HDX: variants seen among roughly 807,000 people sequenced by gnomAD.
HDX encodes the protein chromosome X open reading frame 43.
Under a neutral mutation model 45.2 loss-of-function variants are expected in HDX, and 19 were observed. The observed-to-expected ratio is 0.42, with a 90% CI of 0.29 to 0.62. The LOEUF is 0.62. Among genes scored for constraint, HDX ranks in the 20% least tolerant of loss-of-function variants. The probability of loss-of-function intolerance (pLI) is 0.20; values close to 1 mark genes in which losing one functional copy is unlikely to be tolerated. For synonymous variants in HDX, 188 were observed against 172.8 expected (o/e 1.09, Z -0.69); for missense variants, 532 against 493.9 (o/e 1.08, Z -0.73).
chrX:84,340,208 T>G (rs754352258), intron 7 of HDX, among the ~76,000 whole-genome samples: 2 of 111,180 alleles, frequency 1.8e-5, no homozygotes, highest in South Asian at 7.5e-4. Context: ...CTGAAACTGC[T>G]AAAAGACCAG....
At chrX:84,322,125 T>G (rs2036610355) in intron 10 of HDX, 111 bp from the exon 11 acceptor site, 1 of 474,702 alleles carries the variant, frequency 2.1e-6, no homozygotes. Context: ...ATTTAAAGAA[T>G]AATTTATATT....
intron 2 of HDX, among the ~76,000 whole-genome samples, chrX:84,476,723 T>C (rs1054395998): frequency 2.7e-5 from 3 of 111,460 alleles, no homozygotes; most frequent in African/African-American, 9.8e-5. Context: ...CTTATCTTTC[T>C]CTGAATACTT....
chrX:84,474,243 G>T (rs2040504304), intron 3 of HDX, among the ~76,000 whole-genome samples: 1 of 111,567 alleles, frequency 9.0e-6, no homozygotes, highest in Non-Finnish European at 1.9e-5. Context: ...AGTGAGCTGA[G>T]ATCCGGCCAC....
intron 6 of HDX, among the ~76,000 whole-genome samples, chrX:84,347,744 T>C (rs1009459182): frequency 1.4e-4 from 16 of 111,743 alleles, no homozygotes; most frequent in African/African-American, 5.2e-4. Flanking sequence ...TTTTTTCCTC[T>C]CAACACTTTA....
At chrX:84,420,885 C>A (rs1431084456) in intron 5 of HDX, among the ~76,000 whole-genome samples, 1 of 111,574 alleles carries the variant, frequency 9.0e-6, no homozygotes, top group Non-Finnish European at 1.9e-5. Context: ...CAAACAACAA[C>A]AACAAAAAAC....
chrX:84,350,006 T>C (rs2037304203), intron 6 of HDX, among the ~76,000 whole-genome samples: 1 of 109,989 alleles, frequency 9.1e-6, no homozygotes, highest in South Asian at 3.9e-4. Context: ...AAGCCCAGAC[T>C]TCACCACCAC....
intron 5 of HDX, among the ~76,000 whole-genome samples, chrX:84,437,058 T>G (rs1158561315): frequency 2.7e-5 from 3 of 111,018 alleles, no homozygotes; most frequent in Non-Finnish European, 5.7e-5. Flanking sequence ...ATATGCTGTC[T>G]ACATAAATTC....
chrX:84,497,198 G>C (rs773146714), intron 1 of HDX, among the ~76,000 whole-genome samples: 1 of 111,619 alleles, frequency 9.0e-6, no homozygotes, highest in African/African-American at 3.3e-5. Context: ...AAATTACCTA[G>C]TCTCGAGAAG....
At chrX:84,395,251 T>G (rs931935079) in intron 5 of HDX, among the ~76,000 whole-genome samples, 1 of 111,325 alleles carries the variant, frequency 9.0e-6, no homozygotes, top group Non-Finnish European at 1.9e-5. Context: ...TTTCTTGGTC[T>G]GGTCTAGTTG....
At position 84,399,257 on chromosome X, in the gene HDX, C is replaced by G. The variant is rs6623014; in HGVS notation, c.1306-37645G>C. 6.5e-3 allele frequency among the ~76,000 whole-genome samples: 698 copies of G among 107,727 alleles called. 3 individuals are homozygous for G. The highest frequency in any genetic ancestry group is 0.01 in the Non-Finnish European group (526 of 51,860). 93.5% of individuals were successfully genotyped at this position (107,727 alleles called of 115,157 possible). ...GGAGATAGAGACACAAACCCCCCCC[C>G]AAAAAAACAATAAATCCAGGAGCTG... On this transcript the variant is annotated intron_variant, in intron 5 of 10. Coordinates refer to ENST00000373177, the MANE Select transcript of HDX (RefSeq NM_001177479.2).
chrX:84,324,913 C>A (rs1329527196), intron 10 of HDX, among the ~76,000 whole-genome samples: 4 of 110,889 alleles, frequency 3.6e-5, no homozygotes, highest in African/African-American at 1.3e-4. Context: ...AACTACCTCC[C>A]CTATTCATTT....
intron 4 of HDX, among the ~76,000 whole-genome samples, chrX:84,459,291 A>T (rs1030566517): frequency 9.1e-6 from 1 of 109,972 alleles, no homozygotes; most frequent in Non-Finnish European, 1.9e-5. Context: ...AAATACAAAA[A>T]ATTAGCCGGG....
chrX:84,322,341 A>T (rs1219270112), intron 10 of HDX, among the ~76,000 whole-genome samples: 2 of 111,126 alleles, frequency 1.8e-5, no homozygotes, highest in Non-Finnish European at 3.8e-5. Context: ...TTGAGTGTGC[A>T]TTGATCACTG....
chrX:84,478,237 A>G (rs1714126380), intron 2 of HDX, among the ~76,000 whole-genome samples: 1 of 111,860 alleles, frequency 8.9e-6, no homozygotes, highest in South Asian at 3.7e-4. Context: ...CAGGTTTAAG[A>G]TTCAGTATTT....
In HDX at chrX:84,464,002, G is replaced by T. The variant is rs752445163; in HGVS notation, c.1251+4470C>A. On this transcript the variant is annotated intron_variant, in intron 4 of 10. Coordinates refer to ENST00000373177, the MANE Select transcript of HDX (RefSeq NM_001177479.2). Reference sequence around the variant, plus strand: ...TAGTTTGATACTATACTATCCTCCAGAAATAGTATCACGGCTTGAAGATAA... The same window carrying T: ...TAGTTTGATACTATACTATCCTCCATAAATAGTATCACGGCTTGAAGATAA... 3.6e-5 allele frequency among the ~76,000 whole-genome samples: 4 copies of T among 111,346 alleles called. No homozygotes were observed. In the East Asian group the frequency reaches 1.1e-3, roughly 31 times the overall value.
chrX:84,485,340 G>A (rs1342389905), intron 2 of HDX, among the ~76,000 whole-genome samples: 2 of 111,804 alleles, frequency 1.8e-5, no homozygotes, highest in East Asian at 5.6e-4. Context: ...AAGAAGAATG[G>A]TGTAATCTCC....
At chrX:84,489,447 G>A (rs991683048) in intron 1 of HDX, among the ~76,000 whole-genome samples, 1 of 111,724 alleles carries the variant, frequency 9.0e-6, no homozygotes. Flanking sequence ...GGTTTTGGTT[G>A]GGAGAAGGAA....
chrX:84,436,697 C>T (rs766162016), intron 5 of HDX, among the ~76,000 whole-genome samples: 3 of 111,833 alleles, frequency 2.7e-5, no homozygotes, highest in Admixed American at 9.5e-5. Flanking sequence ...ATATTTGATA[C>T]GATTTTAACT....
chrX:84,370,080 C>T (rs541957814), intron 5 of HDX, among the ~76,000 whole-genome samples: 1 of 111,455 alleles, frequency 9.0e-6, no homozygotes, highest in African/African-American at 3.3e-5. Context: ...GTGAATGGGC[C>T]TCATCTATTT....
Sources: allele counts gnomAD v4.1 joint callset (sites outside exome capture counted in the v4.1 genomes callset), GRCh38; gene constraint gnomAD v4.1.1; transcripts MANE v1.5; gene names NCBI Gene and HGNC (gene_info 2026-07-23, HGNC 2026-07-21).